Variants in CUBN observed in about 807,000 individuals in gnomAD.
The protein encoded by CUBN is cubilin.
CUBN carries 282 observed loss-of-function variants against 405.3 expected under a neutral mutation model. The observed-to-expected ratio is 0.70, with a 90% CI of 0.63 to 0.77. CUBN has a LOEUF of 0.77. Among genes scored for constraint, CUBN ranks in the 30% least tolerant of loss-of-function variants. The pLI is 0.00. For missense variants in CUBN, 4,514 were observed against 4,475.2 expected (o/e 1.01, Z -0.25); for synonymous variants, 1,684 against 1,617.0 (o/e 1.04, Z -0.99).
intron 43 of CUBN, 49 bp downstream of exon 43, chr10:16,925,192 T>C (rs1842147201): frequency 6.7e-7 from 1 of 1,494,766 alleles, no homozygotes; most frequent in African/African-American, 1.4e-5. Context: ...TCAAAGAAGA[T>C]CAAGCAATTG....
At chr10:17,128,532 C>T (rs1837250480) in intron 2 of CUBN, among the ~76,000 whole-genome samples, 1 of 152,198 alleles carries the variant, frequency 6.6e-6, no homozygotes, top group Non-Finnish European at 1.5e-5. Context: ...GGTCACATGT[C>T]CACATATCCT....
intron 26 of CUBN, 138 bp downstream of exon 26, chr10:17,043,689 T>G (rs1289373851): frequency 8.5e-7 from 1 of 1,174,356 alleles, no homozygotes; most frequent in Non-Finnish European, 1.3e-6. Context: ...TTCAGTTTGT[T>G]TCAAGAATTT....
chr10:16,837,593 C>A (rs76210085), intron 62 of CUBN, among the ~76,000 whole-genome samples: 2,254 of 152,102 alleles, frequency 0.015, 60 homozygotes, highest in African/African-American at 0.051. Flanking sequence ...TATTTCTTAA[C>A]CTTAGGGCCT....
At chr10:16,962,066 A>G (rs1417508863) in intron 31 of CUBN, among the ~76,000 whole-genome samples, 1 of 152,134 alleles carries the variant, frequency 6.6e-6, no homozygotes, top group Non-Finnish European at 1.5e-5. Flanking sequence ...GAACATGAGT[A>G]TAGTAGGGGA....
intron 55 of CUBN, 103 bp from the exon 56 acceptor site, chr10:16,888,669 T>C: frequency 1.0e-6 from 1 of 956,276 alleles, no homozygotes; most frequent in Non-Finnish European, 1.7e-6. Context: ...TAGACATAGT[T>C]CCCTGAGATA....
At chr10:16,942,814 G>A (rs1052314167) in intron 36 of CUBN, among the ~76,000 whole-genome samples, 1 of 147,686 alleles carries the variant, frequency 6.8e-6, no homozygotes, top group African/African-American at 2.5e-5. Flanking sequence ...GAAAAGGAAG[G>A]GAAGGGAAGG....
In CUBN at chr10:16,920,713, C is replaced by A. The variant is rs528277662; in HGVS notation, c.6647-576G>T. ...TTTTTAATATTTCTTTTCTAAAAAA[C>A]CAAAGCATTATCAAAAAATATTTTT... On this transcript the variant is annotated intron_variant, in intron 43 of 66. Transcript: ENST00000377833. 6.0e-4 allele frequency among the ~76,000 whole-genome samples: 92 copies of A among 152,212 alleles called. No homozygotes were observed. In the South Asian group the frequency reaches 0.017, roughly 28 times the overall value.
chr10:16,843,956 G>C (rs891527809), intron 60 of CUBN, among the ~76,000 whole-genome samples: 2 of 152,098 alleles, frequency 1.3e-5, no homozygotes, highest in African/African-American at 4.8e-5. Flanking sequence ...ATTTGGGTTG[G>C]CCCTTAAATG....
rs1841983576 is a variant in CUBN, at chr10:16,919,868, G to A, written c.6821+95C>T. On this transcript the variant is annotated intron_variant, in intron 44 of 66. Transcript: ENST00000377833. The stretch of plus-strand genomic sequence containing the variant: ...CCCTTTTCCCCTAGATTTCCTTGCA[G>A]TATGTGCTACTGAAAGAAATGGACT... The A allele has an allele frequency of 1.6e-5, 20 of 1,286,646 alleles. No individual in the cohort carries two copies. In the South Asian group the frequency reaches 2.0e-4, roughly 13 times the overall value. The allele number at this position is 1,286,646 out of a possible 1,614,324, so 79.7% of individuals were successfully genotyped here.
Position 16,890,384 on chromosome 10 carries a change from C to T in CUBN, c.8742G>A (p.Ala2914=), listed in dbSNP as rs142563433. The part of the protein sequence containing the change: ...SQEAPAQGFS[A]SFVSRCGSNF... The stretch of plus-strand genomic sequence containing the variant: ...AGGGCTACTTACGGCTAACAAAGGA[C>T]GCGGAGAAGCCCTGAGCTGGTGCCT... Residue 2914 remains alanine (A), a synonymous_variant, in exon 55 of 67, where the codon GCG becomes GCA. Coordinates refer to ENST00000377833, the MANE Select transcript of CUBN (RefSeq NM_001081.4). 9 of 1,613,200 alleles carry T rather than the reference C, an allele frequency of 5.6e-6. No individual in the cohort carries two copies. Among genetic ancestry groups the T allele is most frequent in the Middle Eastern group, 1.9e-4 (1 of 5,334 alleles).
Position 17,004,574 on chromosome 10 carries a change from G to A in CUBN, c.4169-14059C>T, listed in dbSNP as rs117513980. Among the ~76,000 whole-genome samples, 134 of 151,980 alleles carry A rather than the reference G, an allele frequency of 8.8e-4. 1 individual carries two copies. The highest frequency in any genetic ancestry group is 1.6e-3 in the Non-Finnish European group (107 of 68,026). ...ACCACCATGCACCAAATCATACACC[G>A]CAGGAAAACGGGAGCTATCCATGAT... On this transcript the variant is annotated intron_variant, in intron 28 of 66. Transcript: ENST00000377833.
intron 31 of CUBN, among the ~76,000 whole-genome samples, chr10:16,959,057 T>G (rs1843149300): frequency 6.6e-6 from 1 of 152,072 alleles, no homozygotes; most frequent in Non-Finnish European, 1.5e-5. Flanking sequence ...AAGCCCTTTT[T>G]ATAGCAACAT....
At chr10:16,953,019 G>A (rs1297171993) in intron 32 of CUBN, among the ~76,000 whole-genome samples, 1 of 152,192 alleles carries the variant, frequency 6.6e-6, no homozygotes, top group Non-Finnish European at 1.5e-5. Flanking sequence ...GGTGACTGAC[G>A]CTGGAGAGAG....
chr10:17,114,752 G>A (rs1432595284), intron 7 of CUBN, among the ~76,000 whole-genome samples: 2 of 152,292 alleles, frequency 1.3e-5, no homozygotes, highest in East Asian at 3.9e-4. Context: ...GGGCATGGAG[G>A]GTCGTTCTGG....
chr10:17,105,400 T>C (rs935415116), intron 11 of CUBN, 57 bp downstream of exon 11: 8 of 977,310 alleles, frequency 8.2e-6, no homozygotes, highest in African/African-American at 3.2e-5. Context: ...TTACATTTTA[T>C]AGGCGTGAAA....
intron 14 of CUBN, among the ~76,000 whole-genome samples, chr10:17,089,105 A>G (rs1466065960): frequency 6.6e-6 from 1 of 152,250 alleles, no homozygotes; most frequent in Non-Finnish European, 1.5e-5. Context: ...TCCAGACTGT[A>G]GTAATACAGA....
At chr10:16,958,278 T>C (rs1187153491) in intron 31 of CUBN, among the ~76,000 whole-genome samples, 1 of 152,122 alleles carries the variant, frequency 6.6e-6, no homozygotes, top group Non-Finnish European at 1.5e-5. Flanking sequence ...CTGGCTGAAG[T>C]AATACTTCAC....
At chr10:16,979,258 C>A (rs1434044885) in intron 31 of CUBN, among the ~76,000 whole-genome samples, 2 of 152,072 alleles carry the variant, frequency 1.3e-5, no homozygotes, top group Non-Finnish European at 2.9e-5. Flanking sequence ...ATGAAAATGG[C>A]CATAATGTCC....
At chr10:16,862,160 T>TCTCTCTCACACA (rs144560387) in intron 59 of CUBN, among the ~76,000 whole-genome samples, 3,502 of 131,146 alleles carry the variant, frequency 0.027, 188 homozygotes, top group African/African-American at 0.11. Flanking sequence ...TCTCTCTCTC[T>TCTCTCTCACACA]CACACACACA....
Sources: allele counts gnomAD v4.1 joint callset (sites outside exome capture counted in the v4.1 genomes callset), GRCh38; gene constraint gnomAD v4.1.1; transcripts MANE v1.5; gene names NCBI Gene and HGNC (gene_info 2026-07-23, HGNC 2026-07-21).